Variants in BEND2 observed in about 807,000 individuals in gnomAD.
BEND2 encodes BEN domain-containing protein 2.
A neutral mutation model predicts 43.8 loss-of-function variants in BEND2; 19 were observed. The observed-to-expected ratio is 0.43, with a 90% CI of 0.30 to 0.64. The LOEUF is 0.64. Ranked by LOEUF, BEND2 falls within the 30% of genes least tolerant of loss-of-function variation. The pLI, the probability that BEND2 is intolerant of heterozygous loss-of-function variation, is 0.11. For missense variants in BEND2, 544 were observed against 574.0 expected (o/e 0.95, Z 0.53); for synonymous variants, 226 against 210.1 (o/e 1.08, Z -0.66).
intron 10 of BEND2, 125 bp downstream of exon 10, chrX:18,177,443 GA>G (rs1924209627): frequency 2.8e-6 from 2 of 723,376 alleles, no homozygotes; most frequent in Non-Finnish European, 2.1e-6. Context: ...TCAGACAGGT[GA>G]AAAAAATGAA....
At chrX:18,172,394 G>GA (rs2147389750) in intron 12 of BEND2, among the ~76,000 whole-genome samples, 1 of 111,321 alleles carries the variant, frequency 9.0e-6, no homozygotes, top group East Asian at 2.8e-4. Flanking sequence ...CCAAAGTATG[G>GA]AAAAATCTAT....
chrX:18,171,844 C>G (rs1252175738), intron 12 of BEND2, among the ~76,000 whole-genome samples: 1 of 111,584 alleles, frequency 9.0e-6, no homozygotes, highest in Non-Finnish European at 1.9e-5. Flanking sequence ...ACAAGAAGGA[C>G]TTTTTCAAAA....
At chrX:18,205,660 C>T (rs1319026540) in intron 4 of BEND2, among the ~76,000 whole-genome samples, 1 of 100,962 alleles carries the variant, frequency 9.9e-6, no homozygotes, top group Non-Finnish European at 2.0e-5. Flanking sequence ...GAACTGCCAT[C>T]TCAGCTGGGA....
intron 4 of BEND2, among the ~76,000 whole-genome samples, chrX:18,211,945 A>T: frequency 9.1e-6 from 1 of 110,274 alleles, no homozygotes; most frequent in East Asian, 2.8e-4. Flanking sequence ...GTACAGTTCT[A>T]TTTATGTGAA....
At chrX:18,217,814 C>G (rs1323165810) in intron 1 of BEND2, among the ~76,000 whole-genome samples, 1 of 111,191 alleles carries the variant, frequency 9.0e-6, no homozygotes, top group Non-Finnish European at 1.9e-5. Flanking sequence ...GGCGCGGTAG[C>G]GAACGCCTGT....
At chrX:18,189,202 A>G in intron 8 of BEND2, among the ~76,000 whole-genome samples, 1 of 99,331 alleles carries the variant, frequency 1.0e-5, no homozygotes, top group Admixed American at 1.0e-4. Flanking sequence ...TCCATCTCAA[A>G]AAAAAAAAAA....
chrX:18,216,285 A>G (rs1181033817), intron 2 of BEND2, among the ~76,000 whole-genome samples: 2 of 110,594 alleles, frequency 1.8e-5, no homozygotes, highest in African/African-American at 6.6e-5. Context: ...GTTCAAAGAC[A>G]GAGAATATAT....
chrX:18,210,939 A>G (rs945611619), intron 4 of BEND2, among the ~76,000 whole-genome samples: 44 of 112,119 alleles, frequency 3.9e-4, no homozygotes, highest in African/African-American at 1.4e-3. Flanking sequence ...GAATTAGCCC[A>G]GCATTACAAA....
intron 4 of BEND2, among the ~76,000 whole-genome samples, chrX:18,210,112 C>T (rs983134367): frequency 9.1e-6 from 1 of 109,911 alleles, no homozygotes; most frequent in African/African-American, 3.3e-5. Context: ...TGCTTCAGAG[C>T]TCATTGTCTA....
intron 6 of BEND2, among the ~76,000 whole-genome samples, chrX:18,201,404 A>AAAAC (rs1925146144): frequency 1.0e-5 from 1 of 96,876 alleles, no homozygotes; most frequent in African/African-American, 4.4e-5. Flanking sequence ...CTCAAAAAAA[A>AAAAC]AAAAAAAAAA....
chrX:18,181,305 C>T (rs1221246787), intron 8 of BEND2, among the ~76,000 whole-genome samples: 2 of 110,822 alleles, frequency 1.8e-5, no homozygotes, highest in Admixed American at 9.6e-5. Flanking sequence ...CTGGAAATTT[C>T]ACTCTTAGGT....
intron 7 of BEND2, among the ~76,000 whole-genome samples, chrX:18,194,404 T>C (rs1385844570): frequency 9.3e-6 from 1 of 107,938 alleles, no homozygotes; most frequent in Non-Finnish European, 1.9e-5. Context: ...AATAGGTGAA[T>C]GGTTTAAAAA....
rs1377599205 is a variant in BEND2, at chrX:18,164,190, T to C, written c.*819A>G. The C allele has an allele frequency of 3.6e-5, 4 of 110,201 alleles. No individual in the cohort carries two copies. Among genetic ancestry groups the C allele is most frequent in the African/African-American group, 1.3e-4 (4 of 30,315 alleles). The allele number at this position is 110,201 out of a possible 1,213,427, so 9.1% of individuals were successfully genotyped here. A position where few individuals can be genotyped will look rare whatever the true frequency, so the allele number is the denominator to read the frequency against. ...GGTGCTTGCCACCATGCCTGGCTAC[T>C]TTTTTTGTATTTTTAGTAGAGATGG... On this transcript the variant is annotated 3_prime_UTR_variant, in exon 14 of 14. Transcript: ENST00000380033.
intron 7 of BEND2, among the ~76,000 whole-genome samples, chrX:18,193,522 G>A (rs1269169975): frequency 9.0e-6 from 1 of 110,966 alleles, no homozygotes; most frequent in African/African-American, 3.3e-5. Context: ...GGATAATATC[G>A]ATGTCAATAT....
At chrX:18,182,643 C>T (rs1924424342) in intron 8 of BEND2, among the ~76,000 whole-genome samples, 1 of 111,339 alleles carries the variant, frequency 9.0e-6, no homozygotes. Flanking sequence ...TCAAAAGTGT[C>T]TCAAAATACA....
rs944505886 is a variant in BEND2 at position 18,201,078 on chromosome X, C to A, written c.1033+737G>T. 7.2e-5 allele frequency among the ~76,000 whole-genome samples: 8 copies of A among 111,760 alleles called. No individual in the cohort carries two copies. The Admixed American group carries it at 7.6e-4, about 11-fold the overall frequency. ...CCGAAAAGTTTAGTTTGAAAAGAGT[C>A]ACACTAGCTGACATTAAAAATACTG... On this transcript the variant is annotated intron_variant, in intron 6 of 13. Coordinates refer to ENST00000380033, the MANE Select transcript of BEND2 (RefSeq NM_153346.5).
chrX:18,179,916 C>T (rs1924319466), intron 9 of BEND2, among the ~76,000 whole-genome samples: 1 of 112,297 alleles, frequency 8.9e-6, no homozygotes, highest in Admixed American at 9.4e-5. Flanking sequence ...GTGGCTCATG[C>T]CTGTAATCCT....
Position 18,217,925 on chromosome X carries a change from T to A in BEND2, c.26-1192A>T, listed in dbSNP as rs773087517. ...GCGAAATCCTGTCTCTACCAAAAAATAATAATAATAATAATAATAATAATA... is the reference window on the plus strand; with the variant it reads ...GCGAAATCCTGTCTCTACCAAAAAAAAATAATAATAATAATAATAATAATA... On this transcript the variant is annotated intron_variant, in intron 1 of 13. Coordinates refer to ENST00000380033, the MANE Select transcript of BEND2 (RefSeq NM_153346.5). Among the ~76,000 whole-genome samples the A allele has an allele frequency of 3.8e-3, 293 of 77,902 alleles. 8 individuals carry two copies. Among genetic ancestry groups the A allele is most frequent in the Admixed American group, 0.031 (234 of 7,639 alleles). 67.6% of individuals were successfully genotyped at this position (77,902 alleles called of 115,157 possible).
intron 3 of BEND2, 137 bp from the exon 4 acceptor site, chrX:18,212,817 C>A: frequency 2.4e-6 from 1 of 410,997 alleles, no homozygotes; most frequent in Non-Finnish European, 4.2e-6. Context: ...AAGAATTCTT[C>A]CATGACCAAT....
Sources: allele counts gnomAD v4.1 joint callset (sites outside exome capture counted in the v4.1 genomes callset), GRCh38; gene constraint gnomAD v4.1.1; transcripts MANE v1.5; gene names NCBI Gene and HGNC (gene_info 2026-07-23, HGNC 2026-07-21).